CUL1: variants seen among roughly 807,000 people sequenced by gnomAD.
CUL1 encodes the protein cullin 1.
In CUL1, 24 loss-of-function variants were observed where a neutral mutation model predicts 118.0. The ratio of observed to expected loss-of-function variants is 0.20; its 90% confidence interval spans 0.15 to 0.29. CUL1 has a LOEUF of 0.29. Ranked by LOEUF, CUL1 falls within the 10% of genes least tolerant of loss-of-function variation. The probability of loss-of-function intolerance (pLI) is 1.00; values close to 1 mark genes in which losing one functional copy is unlikely to be tolerated. For synonymous variants in CUL1, 332 were observed against 340.4 expected (o/e 0.98, Z 0.27); for missense variants, 361 against 933.8 (o/e 0.39, Z 7.99).
At chr7:148,766,493 A>G (rs1396987906) in intron 7 of CUL1, 68 bp from the exon 8 acceptor site, 5 of 1,288,902 alleles carry the variant, frequency 3.9e-6, no homozygotes, top group Non-Finnish European at 4.2e-6. Context: ...TTTAATTTAC[A>G]TATTAAAGAA....
intron 17 of CUL1, among the ~76,000 whole-genome samples, chr7:148,795,160 C>G (rs1801142452): frequency 6.6e-6 from 1 of 150,866 alleles, no homozygotes; most frequent in Admixed American, 6.6e-5. Context: ...TCACTTTTTT[C>G]TGTTTTTTTG....
intron 2 of CUL1, among the ~76,000 whole-genome samples, chr7:148,735,273 T>C (rs1246657162): frequency 1.3e-5 from 2 of 152,266 alleles, no homozygotes; most frequent in East Asian, 3.8e-4. Context: ...TGCTGAGCCC[T>C]TGGAGCCTGC....
chr7:148,796,105 G>A (rs1049518376), intron 17 of CUL1, among the ~76,000 whole-genome samples: 2 of 152,212 alleles, frequency 1.3e-5, no homozygotes, highest in African/African-American at 2.4e-5. Context: ...ATGTTAAAGA[G>A]TGATGGTGTT....
intron 9 of CUL1, among the ~76,000 whole-genome samples, chr7:148,768,668 A>G (rs1800094667): frequency 6.6e-6 from 1 of 152,144 alleles, no homozygotes; most frequent in Non-Finnish European, 1.5e-5. Context: ...TACAGGCGTG[A>G]GTCGTCACGT....
chr7:148,757,919 G>A (rs2129460471), intron 4 of CUL1, among the ~76,000 whole-genome samples: 1 of 152,322 alleles, frequency 6.6e-6, no homozygotes, highest in Middle Eastern at 3.4e-3. Flanking sequence ...CCACCCCCAT[G>A]ATTCAGTTGT....
intron 20 of CUL1, 122 bp downstream of exon 20, chr7:148,798,799 G>A (rs1801293636): frequency 2.5e-6 from 2 of 805,402 alleles, no homozygotes; most frequent in African/African-American, 1.7e-5. Flanking sequence ...ATGGGTCTGT[G>A]ATGGCAGAAG....
chr7:148,747,130 A>G (rs1799331708), intron 2 of CUL1, among the ~76,000 whole-genome samples: 1 of 152,238 alleles, frequency 6.6e-6, no homozygotes, highest in Admixed American at 6.5e-5. Flanking sequence ...TTACTTCAGA[A>G]ACGGTGTAAT....
chr7:148,789,611 A>G, intron 14 of CUL1, 139 bp from the exon 15 acceptor site: 1 of 699,440 alleles, frequency 1.4e-6, no homozygotes, highest in Middle Eastern at 2.9e-4. Context: ...TCTTAATTTT[A>G]TATTCAAGCA....
chr7:148,784,793 C>T (rs766241222), intron 11 of CUL1, among the ~76,000 whole-genome samples: 4 of 152,088 alleles, frequency 2.6e-5, no homozygotes, highest in Non-Finnish European at 5.9e-5. Flanking sequence ...TTTTAAACAG[C>T]TCTTGAAGGC....
At chr7:148,794,777 C>G (rs1801129975) in intron 17 of CUL1, among the ~76,000 whole-genome samples, 1 of 152,190 alleles carries the variant, frequency 6.6e-6, no homozygotes, top group Non-Finnish European at 1.5e-5. Flanking sequence ...GCATCTTCTA[C>G]TACTTTCAAT....
intron 15 of CUL1, 104 bp from the exon 16 acceptor site, chr7:148,790,206 A>G: frequency 8.0e-7 from 1 of 1,248,202 alleles, no homozygotes; most frequent in Non-Finnish European, 1.2e-6. Context: ...TTATGTAAGC[A>G]CTGACTTTGT....
intron 9 of CUL1, among the ~76,000 whole-genome samples, chr7:148,769,807 G>A (rs140786311): frequency 2.2e-4 from 34 of 152,210 alleles, no homozygotes; most frequent in African/African-American, 7.7e-4. Context: ...AGGCAGGAGG[G>A]TCACTTGAGC....
intron 1 of CUL1, among the ~76,000 whole-genome samples, chr7:148,720,976 T>A (rs1446771706): frequency 6.6e-6 from 1 of 152,272 alleles, no homozygotes; most frequent in Non-Finnish European, 1.5e-5. Context: ...ATATTGGCTG[T>A]ACACTTAAAA....
At chr7:148,725,487 A>T (rs1344922715) in intron 1 of CUL1, among the ~76,000 whole-genome samples, 1 of 152,224 alleles carries the variant, frequency 6.6e-6, no homozygotes, top group Non-Finnish European at 1.5e-5. Context: ...AACGCTTGTT[A>T]CAGAGTTCCC....
chr7:148,744,838 C>A (rs1010751956), intron 2 of CUL1, among the ~76,000 whole-genome samples: 2 of 152,152 alleles, frequency 1.3e-5, no homozygotes, highest in African/African-American at 4.8e-5. Flanking sequence ...ATTTTGCCTT[C>A]ATCTTTGAAG....
In CUL1 at chr7:148,788,693, C is replaced by A; in HGVS notation, c.1597+19C>A. Reference sequence around the variant, plus strand: ...CTAGACTGTGAGTATCCGTGTGTCTCTATGTTGTGTTTACAGGCAGAGTTC... The same window carrying A: ...CTAGACTGTGAGTATCCGTGTGTCTATATGTTGTGTTTACAGGCAGAGTTC... On this transcript the variant is annotated intron_variant, in intron 14 of 21. Transcript: ENST00000325222. 6.7e-7 allele frequency: 1 copy of A among 1,502,898 alleles called. No homozygotes were observed. The highest frequency in any genetic ancestry group is 1.4e-5 in the African/African-American group (1 of 72,636). 93.1% of individuals were successfully genotyped at this position (1,502,898 alleles called of 1,614,324 possible).
chr7:148,747,267 C>G (rs949930193), intron 2 of CUL1, among the ~76,000 whole-genome samples: 2 of 152,178 alleles, frequency 1.3e-5, no homozygotes, highest in Admixed American at 6.5e-5. Context: ...GAACAGCAGT[C>G]AGGCTGAACT....
chr7:148,754,606 A>G (rs947819434), intron 3 of CUL1, among the ~76,000 whole-genome samples: 4 of 152,190 alleles, frequency 2.6e-5, no homozygotes, highest in African/African-American at 7.2e-5. Context: ...TATGTATTCA[A>G]ATTATCTGCA....
intron 21 of CUL1, 109 bp downstream of exon 21, chr7:148,799,497 T>C: frequency 1.4e-6 from 1 of 693,260 alleles, no homozygotes; most frequent in East Asian, 2.7e-5. Context: ...AGCTGGCTTC[T>C]TTGTATGTAG....
Sources: allele counts gnomAD v4.1 joint callset (sites outside exome capture counted in the v4.1 genomes callset), GRCh38; gene constraint gnomAD v4.1.1; transcripts MANE v1.5; gene names NCBI Gene and HGNC (gene_info 2026-07-23, HGNC 2026-07-21).